Variants in MAP3K15 observed in about 807,000 individuals in gnomAD.
MAP3K15 encodes the protein mitogen-activated protein kinase kinase kinase 15.
Under a neutral mutation model 99.5 loss-of-function variants are expected in MAP3K15, and 124 were observed. The observed-to-expected ratio is 1.25, with a 90% CI of 1.08 to 1.45. MAP3K15 has a LOEUF of 1.45. Ranked by LOEUF, MAP3K15 falls within the 40% of genes most tolerant of loss-of-function variation. The pLI is 0.00. For synonymous variants in MAP3K15, 494 were observed against 439.6 expected (o/e 1.12, Z -1.55); for missense variants, 1,242 against 1,079.7 (o/e 1.15, Z -2.11).
At chrX:19,487,981 G>C (rs1284098217) in intron 2 of MAP3K15, among the ~76,000 whole-genome samples, 2 of 111,083 alleles carry the variant, frequency 1.8e-5, no homozygotes, top group African/African-American at 3.3e-5. Context: ...CCCCGAGACT[G>C]TGATGTAATT....
At chrX:19,496,580 CAG>C (rs1396274834) in intron 1 of MAP3K15, 1 of 111,220 alleles carries the variant, frequency 9.0e-6, no homozygotes, top group African/African-American at 3.3e-5. Flanking sequence ...TAGAGTGGTG[CAG>C]AGTTTGATGT....
rs190919851 is a variant in MAP3K15 at position 19,407,088 on chromosome X, G to A, written c.1844+100C>T. 1.7e-3 allele frequency: 821 copies of A among 471,766 alleles called. 1 individual carries two copies. The highest frequency in any genetic ancestry group is 2.4e-3 in the Non-Finnish European group (696 of 295,172). 38.9% of individuals were successfully genotyped at this position (471,766 alleles called of 1,213,427 possible). ...TTTGAGATGTAAGTTAACATTTCAA[G>A]AAAGACAGTAATAGCAAGTAAATAT... On this transcript the variant is annotated intron_variant, in intron 13 of 28. Transcript: ENST00000338883.
rs193222361 is a variant in MAP3K15, at chrX:19,496,130, G to C, written c.362-7163C>G. Among the ~76,000 whole-genome samples the C allele has an allele frequency of 1.9e-3, 192 of 103,571 alleles. 2 individuals are homozygous for C. The highest frequency in any genetic ancestry group is 0.015 in the Admixed American group (142 of 9,479). 89.9% of individuals were successfully genotyped at this position (103,571 alleles called of 115,157 possible). A position where few individuals can be genotyped will look rare whatever the true frequency, so the allele number is the denominator to read the frequency against. The stretch of plus-strand genomic sequence containing the variant: ...TGCCCAGGCTGGAGTGCAGTGGCAT[G>C]ATCTCAGCTCACTGCAACCTCCATC... On this transcript the variant is annotated intron_variant, in intron 1 of 28. Coordinates refer to ENST00000338883, the MANE Select transcript of MAP3K15 (RefSeq NM_001001671.4).
chrX:19,476,700 C>T (rs1403872148), intron 3 of MAP3K15, among the ~76,000 whole-genome samples: 2 of 111,996 alleles, frequency 1.8e-5, no homozygotes, highest in Non-Finnish European at 3.8e-5. Flanking sequence ...ACAATTTCAA[C>T]AGGATAATCA....
chrX:19,371,273 G>C, intron 23 of MAP3K15, 72 bp downstream of exon 23: 10 of 1,041,958 alleles, frequency 9.6e-6, no homozygotes, highest in Non-Finnish European at 1.2e-5. Flanking sequence ...AGAAGAGATG[G>C]GGGCTATGGG....
At chrX:19,428,072 G>T (rs1172992456) in intron 7 of MAP3K15, among the ~76,000 whole-genome samples, 1 of 111,613 alleles carries the variant, frequency 9.0e-6, no homozygotes, top group Non-Finnish European at 1.9e-5. Context: ...GGGCAGAGAA[G>T]ATCTGAACTC....
At chrX:19,382,244 CAAAAAAAAAAAAAA>C (rs1047109372) in intron 18 of MAP3K15, among the ~76,000 whole-genome samples, 1 of 31,569 alleles carries the variant, frequency 3.2e-5, no homozygotes, top group Non-Finnish European at 6.1e-5. Context: ...ACTCAGTCTC[CAAAAAAAAAAAAAA>C]AAAAAAAAAG....
chrX:19,421,544 G>C (rs916345538), intron 9 of MAP3K15, among the ~76,000 whole-genome samples: 1 of 110,604 alleles, frequency 9.0e-6, no homozygotes, highest in Non-Finnish European at 1.9e-5. Flanking sequence ...ACAAGGAAAC[G>C]GAAGAACTTT....
chrX:19,416,344 C>CAA (rs771422369), intron 9 of MAP3K15, among the ~76,000 whole-genome samples: 1,765 of 100,614 alleles, frequency 0.018, 41 homozygotes, highest in African/African-American at 0.06. Flanking sequence ...AACAAACAAC[C>CAA]AAAAAAAAAA....
rs770050936 is a variant in MAP3K15, at chrX:19,488,854, C to T, written c.475G>A (p.Asp159Asn). Residue 159 changes from aspartate (D) to asparagine (N), a missense_variant, in exon 2 of 29, where the codon GAT (aspartate) becomes AAT (asparagine). Asp to Asn is a conservative substitution (Grantham distance 23, BLOSUM62 1). Coordinates refer to ENST00000338883, the MANE Select transcript of MAP3K15 (RefSeq NM_001001671.4). ...TTCAAAGAGAGAGCAGTGTCGGCAT[C>T]GGTGTCATGGTACAAGATCACATTA... ...ANNVILYHDT[D>N]ADTALSLKDM... 1.2e-5 allele frequency: 14 copies of T among 1,197,369 alleles called. No homozygotes were observed. The highest frequency in any genetic ancestry group is 8.8e-5 in the South Asian group (5 of 56,618).
At chrX:19,467,629 TG>T (rs1290493083) in intron 3 of MAP3K15, among the ~76,000 whole-genome samples, 13 of 107,306 alleles carry the variant, frequency 1.2e-4, no homozygotes, top group African/African-American at 4.4e-4. Context: ...TAGCCAGGTG[TG>T]GTGGCAGGCG....
At chrX:19,505,545 G>A (rs1287344829) in intron 1 of MAP3K15, among the ~76,000 whole-genome samples, 1 of 110,528 alleles carries the variant, frequency 9.0e-6, no homozygotes, top group Non-Finnish European at 1.9e-5. Flanking sequence ...GTCTATATGG[G>A]GACTCCAAGG....
intron 6 of MAP3K15, among the ~76,000 whole-genome samples, chrX:19,433,945 A>G (rs1407152935): frequency 1.8e-5 from 2 of 111,566 alleles, no homozygotes; most frequent in African/African-American, 6.5e-5. Flanking sequence ...AGAATAACGT[A>G]ATCATTATAA....
chrX:19,431,964 A>T (rs1333398439), intron 6 of MAP3K15, among the ~76,000 whole-genome samples: 1 of 105,946 alleles, frequency 9.4e-6, no homozygotes. Context: ...TTTTTTTTTA[A>T]AAAGACAGTG....
chrX:19,372,153 A>AT (rs2063380060), intron 22 of MAP3K15, among the ~76,000 whole-genome samples: 1 of 98,767 alleles, frequency 1.0e-5, no homozygotes, highest in African/African-American at 4.9e-5. Context: ...AAAAAAGATT[A>AT]AAAAACAATA....
chrX:19,403,553 G>GGCTCAGGTGATCCTCCCAC lies in MAP3K15; in HGVS notation c.1845-2909_1845-2891dup, dbSNP rs1461591995. Among the ~76,000 whole-genome samples the GGCTCAGGTGATCCTCCCAC allele has an allele frequency of 4.8e-5, 5 of 104,104 alleles. No individual in the cohort carries two copies. The East Asian group carries it at 1.5e-3, about 31-fold the overall frequency. 90.4% of individuals were successfully genotyped at this position (104,104 alleles called of 115,157 possible). On this transcript the variant is annotated intron_variant, in intron 13 of 28. Coordinates refer to ENST00000338883, the MANE Select transcript of MAP3K15 (RefSeq NM_001001671.4). ...CACTCACCACAGCCTCAACCTCCCA[G>GGCTCAGGTGATCCTCCCAC]GCTCAGGTGATCCTCCCACTTCTGC...
chrX:19,500,117 T>C (rs2064431567), intron 1 of MAP3K15, among the ~76,000 whole-genome samples: 1 of 111,173 alleles, frequency 9.0e-6, no homozygotes, highest in Non-Finnish European at 1.9e-5. Flanking sequence ...TGTGGTGGCG[T>C]ATGCCTGTAA....
chrX:19,472,898 A>C (rs1206775843), intron 3 of MAP3K15, among the ~76,000 whole-genome samples: 1 of 111,857 alleles, frequency 8.9e-6, no homozygotes, highest in Non-Finnish European at 1.9e-5. Flanking sequence ...ATCAAATCCT[A>C]AATAATGAGG....
At chrX:19,507,407 C>T (rs1458783) in intron 1 of MAP3K15, among the ~76,000 whole-genome samples, 23,640 of 105,976 alleles carry the variant, frequency 0.22, 2,629 homozygotes, top group African/African-American at 0.4. Context: ...CAGGATGCAG[C>T]TGACAAAAGC....
Sources: allele counts gnomAD v4.1 joint callset (sites outside exome capture counted in the v4.1 genomes callset), GRCh38; gene constraint gnomAD v4.1.1; transcripts MANE v1.5; gene names NCBI Gene and HGNC (gene_info 2026-07-23, HGNC 2026-07-21).